The following MORN5 variants were observed in gnomAD, a reference collection of about 807,000 sequenced individuals.
MORN5 encodes the protein MORN repeat containing 5.
Under a neutral mutation model 22.1 loss-of-function variants are expected in MORN5, and 21 were observed. The observed-to-expected ratio is 0.95, with a 90% CI of 0.67 to 1.37. MORN5 has a LOEUF of 1.37. Among genes scored for constraint, MORN5 ranks in the 40% most tolerant of loss-of-function variants. MORN5 has a pLI of 0.00. For synonymous variants in MORN5, 73 were observed against 74.0 expected (o/e 0.99, Z 0.07); for missense variants, 211 against 215.1 (o/e 0.98, Z 0.12).
intron 4 of MORN5, chr9:122,175,737 G>C: frequency 1.0e-6 from 1 of 973,044 alleles, no homozygotes; most frequent in Non-Finnish European, 1.2e-6. Context: ...ATCTGTGCTG[G>C]TGAATGAGAG....
In MORN5 at chr9:122,174,864, C is replaced by T. The variant is rs908650773; in HGVS notation, c.439+237C>T. The T allele has an allele frequency of 3.0e-6, 4 of 1,331,882 alleles. 1 individual carries two copies. Among genetic ancestry groups the T allele is most frequent in the South Asian group, 1.5e-5 (1 of 66,326 alleles). The allele number at this position is 1,331,882 out of a possible 1,614,324, so 82.5% of individuals were successfully genotyped here. A position where few individuals can be genotyped will look rare whatever the true frequency, so the allele number is the denominator to read the frequency against. On this transcript the variant is annotated intron_variant, in intron 4 of 4. Coordinates refer to ENST00000373764, the MANE Select transcript of MORN5 (RefSeq NM_198469.4). The stretch of plus-strand genomic sequence containing the variant: ...TCTAGCAGTGACGGCACATAAATGT[C>T]GCACTGAAAGGATTAAGGTACTTAT...
intron 4 of MORN5, among the ~76,000 whole-genome samples, chr9:122,192,945 C>T (rs4837944): frequency 3.9e-5 from 6 of 152,018 alleles, no homozygotes; most frequent in Non-Finnish European, 5.9e-5. Flanking sequence ...TTATTCACCA[C>T]GTACTTATGA....
At chr9:122,199,132 C>T (rs1162519093) in intron 4 of MORN5, among the ~76,000 whole-genome samples, 2 of 152,198 alleles carry the variant, frequency 1.3e-5, no homozygotes, top group African/African-American at 2.4e-5. Context: ...ATGTGATTCA[C>T]TCAAGTCTCT....
In MORN5 at chr9:122,166,929, G is replaced by T; in HGVS notation, c.195+14G>T. The stretch of plus-strand genomic sequence containing the variant: ...TTGGCCATAAAGGTGATCAGCTGGG[G>T]GGACGGATGCTGTGGAGGAGAGATC... On this transcript the variant is annotated intron_variant, in intron 2 of 4. Transcript: ENST00000373764. 3 of 1,611,280 alleles carry T rather than the reference G, an allele frequency of 1.9e-6. No individual in the cohort carries two copies. In the South Asian group the frequency reaches 3.3e-5, roughly 18 times the overall value.
At chr9:122,165,762 T>A (rs1264358962) in intron 1 of MORN5, among the ~76,000 whole-genome samples, 3 of 152,184 alleles carry the variant, frequency 2.0e-5, no homozygotes, top group Non-Finnish European at 4.4e-5. Context: ...CCTTGATCAC[T>A]GTTGAATCTG....
intron 4 of MORN5, among the ~76,000 whole-genome samples, chr9:122,198,760 A>G (rs1829949911): frequency 1.3e-5 from 2 of 152,194 alleles, no homozygotes; most frequent in African/African-American, 4.8e-5. Flanking sequence ...CACCACCGGC[A>G]TGGAGAGGAA....
chr9:122,195,862 T>C (rs1226891671), intron 4 of MORN5, among the ~76,000 whole-genome samples: 1 of 152,202 alleles, frequency 6.6e-6, no homozygotes, highest in East Asian at 1.9e-4. Flanking sequence ...GATTTGTCTA[T>C]TCTGATTTTT....
At chr9:122,188,881 A>G (rs1829699236) in intron 4 of MORN5, among the ~76,000 whole-genome samples, 1 of 152,134 alleles carries the variant, frequency 6.6e-6, no homozygotes, top group Non-Finnish European at 1.5e-5. Flanking sequence ...GCACCTTGCT[A>G]CAGAGGATGA....
At chr9:122,171,614 G>A (rs146033911) in intron 3 of MORN5, among the ~76,000 whole-genome samples, 5 of 152,128 alleles carry the variant, frequency 3.3e-5, no homozygotes, top group African/African-American at 9.6e-5. Context: ...TGTATTGGTC[G>A]TTCTCAACTT....
chr9:122,190,731 C>A (rs1829743911), intron 4 of MORN5, among the ~76,000 whole-genome samples: 1 of 152,270 alleles, frequency 6.6e-6, no homozygotes, highest in African/African-American at 2.4e-5. Flanking sequence ...GGCAATGACT[C>A]CTCAGTCAAT....
chr9:122,162,298 C>G (rs1829212013), intron 1 of MORN5, among the ~76,000 whole-genome samples: 2 of 152,068 alleles, frequency 1.3e-5, no homozygotes, highest in Non-Finnish European at 2.9e-5. Flanking sequence ...ATATTTTCCT[C>G]TTGGAGTTTA....
intron 1 of MORN5, chr9:122,164,483 C>A: frequency 1.2e-6 from 1 of 802,240 alleles, no homozygotes; most frequent in Non-Finnish European, 1.5e-6. Flanking sequence ...GGCTTACAGC[C>A]CCAGCCCTGG....
intron 4 of MORN5, among the ~76,000 whole-genome samples, chr9:122,177,512 A>G (rs898303694): frequency 6.6e-6 from 1 of 152,148 alleles, no homozygotes; most frequent in African/African-American, 2.4e-5. Context: ...GGCTCCCTGC[A>G]ACCTCTGCCT....
chr9:122,192,427 C>T (rs905148016), intron 4 of MORN5, among the ~76,000 whole-genome samples: 1 of 152,198 alleles, frequency 6.6e-6, no homozygotes, highest in Non-Finnish European at 1.5e-5. Flanking sequence ...AATTCCAGTG[C>T]CCAAGCTCTT....
chr9:122,169,439 A>G (rs1439711761), intron 2 of MORN5, among the ~76,000 whole-genome samples: 2 of 152,242 alleles, frequency 1.3e-5, no homozygotes, highest in African/African-American at 2.4e-5. Flanking sequence ...TTCATCTGCC[A>G]AAGTGAGTTC....
At chr9:122,184,374 G>A (rs779824466) in intron 4 of MORN5, among the ~76,000 whole-genome samples, 36 of 152,164 alleles carry the variant, frequency 2.4e-4, no homozygotes, top group African/African-American at 8.2e-4. Context: ...AATTTAAGCC[G>A]CACAGTGAAC....
chr9:122,167,439 G>C (rs1472592977), intron 2 of MORN5, among the ~76,000 whole-genome samples: 1 of 139,166 alleles, frequency 7.2e-6, no homozygotes, highest in Non-Finnish European at 1.5e-5. Flanking sequence ...CACAACCTCT[G>C]CCTCCTGGGT....
At chr9:122,185,775 A>G (rs1588310429) in intron 4 of MORN5, among the ~76,000 whole-genome samples, 1 of 152,074 alleles carries the variant, frequency 6.6e-6, no homozygotes, top group South Asian at 2.1e-4. Context: ...CACATGTCCA[A>G]CCCCACACAG....
At chr9:122,184,000 T>G (rs761249167) in intron 4 of MORN5, among the ~76,000 whole-genome samples, 1 of 152,186 alleles carries the variant, frequency 6.6e-6, no homozygotes, top group Non-Finnish European at 1.5e-5. Context: ...AATTGGGGTC[T>G]GAAAAGTAAC....
Sources: allele counts gnomAD v4.1 joint callset (sites outside exome capture counted in the v4.1 genomes callset), GRCh38; gene constraint gnomAD v4.1.1; transcripts MANE v1.5; gene names NCBI Gene and HGNC (gene_info 2026-07-23, HGNC 2026-07-21).